Variants in GRIP1 observed in about 807,000 individuals in gnomAD.
GRIP1 encodes glutamate receptor-interacting protein 1.
In GRIP1, 45 loss-of-function variants were observed where a neutral mutation model predicts 129.9. That is an observed-to-expected ratio of 0.35 (90% CI 0.27 to 0.44). The LOEUF (loss-of-function observed/expected upper bound fraction) is 0.44, where lower values mean the gene tolerates loss of function less well. Ranked by LOEUF, GRIP1 falls within the 20% of genes least tolerant of loss-of-function variation. The pLI is 1.00. For synonymous variants in GRIP1, 530 were observed against 520.8 expected (o/e 1.02, Z -0.24); for missense variants, 1,196 against 1,396.8 (o/e 0.86, Z 2.29).
At chr12:66,703,197 T>A (rs2035410828) in intron 1 of GRIP1, among the ~76,000 whole-genome samples, 1 of 152,140 alleles carries the variant, frequency 6.6e-6, no homozygotes, top group Non-Finnish European at 1.5e-5. Flanking sequence ...TGTGATCTAC[T>A]AAGGCTTAAG....
At chr12:66,996,480 GC>G (rs2042468937) in intron 1 of GRIP1, among the ~76,000 whole-genome samples, 1 of 152,054 alleles carries the variant, frequency 6.6e-6, no homozygotes. Flanking sequence ...TTGCCTAAGG[GC>G]CTTGGAGTCT....
chr12:66,521,254 G>T (rs912327123), intron 5 of GRIP1, among the ~76,000 whole-genome samples: 1 of 152,094 alleles, frequency 6.6e-6, no homozygotes, highest in Non-Finnish European at 1.5e-5. Flanking sequence ...GTTGACATGT[G>T]CTTAATAAAC....
At chr12:66,407,906 C>G (rs899810372) in intron 15 of GRIP1, among the ~76,000 whole-genome samples, 3 of 152,194 alleles carry the variant, frequency 2.0e-5, no homozygotes, top group Non-Finnish European at 2.9e-5. Context: ...CCTAGCCCTA[C>G]ACAGCACAGC....
intron 1 of GRIP1, chr12:67,035,479 T>C (rs1829405069): frequency 6.6e-6 from 1 of 152,226 alleles, no homozygotes; most frequent in Non-Finnish European, 1.5e-5. Flanking sequence ...TTAGTTTTAA[T>C]GTTGTAATTA....
At chr12:66,566,889 A>T (rs1565868551) in intron 2 of GRIP1, among the ~76,000 whole-genome samples, 1 of 151,964 alleles carries the variant, frequency 6.6e-6, no homozygotes, top group African/African-American at 2.4e-5. Context: ...GAATTTACCC[A>T]TTTCTTCTAG....
intron 1 of GRIP1, among the ~76,000 whole-genome samples, chr12:66,688,813 G>A (rs1301493601): frequency 6.6e-6 from 1 of 151,342 alleles, no homozygotes; most frequent in Non-Finnish European, 1.5e-5. Flanking sequence ...TCCTTCAAAG[G>A]AGGAAACAAC....
At chr12:66,841,457 C>A (rs916959793) in intron 1 of GRIP1, among the ~76,000 whole-genome samples, 2 of 152,184 alleles carry the variant, frequency 1.3e-5, no homozygotes, top group Non-Finnish European at 2.9e-5. Flanking sequence ...ATATCACCAT[C>A]TAATAAGCAA....
At chr12:66,931,795 A>G (rs368714794) in intron 1 of GRIP1, among the ~76,000 whole-genome samples, 18 of 152,324 alleles carry the variant, frequency 1.2e-4, no homozygotes, top group African/African-American at 4.1e-4. Flanking sequence ...AACACTATCC[A>G]AAAATGTCTT....
chr12:66,537,052 AG>A (rs2061625986), intron 4 of GRIP1, among the ~76,000 whole-genome samples: 1 of 152,118 alleles, frequency 6.6e-6, no homozygotes, highest in South Asian at 2.1e-4. Context: ...GCCTGGATTC[AG>A]ATATTGAATC....
chr12:66,898,699 G>A (rs138605012), intron 1 of GRIP1, among the ~76,000 whole-genome samples: 12 of 152,212 alleles, frequency 7.9e-5, no homozygotes, highest in African/African-American at 2.6e-4. Flanking sequence ...TAGGATATTC[G>A]TTAGCAATTT....
At position 66,798,802 on chromosome 12, in the gene GRIP1, A is replaced by G. The variant is rs148361208; in HGVS notation, c.-420+5251T>C. Reference sequence around the variant, plus strand: ...ACTTTAATTAACATCATCTGTAAATATAATATCATATTAATTTGACTTGCA... The same window carrying G: ...ACTTTAATTAACATCATCTGTAAATGTAATATCATATTAATTTGACTTGCA... On this transcript the variant is annotated intron_variant, in intron 1 of 4. Coordinates refer to the GRIP1 transcript ENST00000538373. Among the ~76,000 whole-genome samples, 493 of 152,306 alleles carry G rather than the reference A, an allele frequency of 3.2e-3. 4 individuals carry two copies. Among genetic ancestry groups the G allele is most frequent in the African/African-American group, 0.011 (467 of 41,570 alleles).
chr12:66,538,356 T>C (rs1367964159), intron 4 of GRIP1, among the ~76,000 whole-genome samples: 1 of 151,960 alleles, frequency 6.6e-6, no homozygotes, highest in Admixed American at 6.6e-5. Flanking sequence ...TATGCCACCA[T>C]GCCCGACTAA....
chr12:66,406,478 G>GT (rs1565707190), intron 15 of GRIP1, 50 bp from the exon 16 acceptor site: 1 of 1,572,586 alleles, frequency 6.4e-7, no homozygotes, highest in Non-Finnish European at 8.8e-7. Flanking sequence ...CACTTAACTA[G>GT]GCCATTTAAA....
chr12:66,999,626 G>C (rs968340434), intron 1 of GRIP1, among the ~76,000 whole-genome samples: 1 of 152,088 alleles, frequency 6.6e-6, no homozygotes, highest in Non-Finnish European at 1.5e-5. Context: ...TAATGGCAAA[G>C]GGTATTAACC....
chr12:66,636,715 CTGTGTGTGTGTGTGTG>C (rs113361426), intron 1 of GRIP1, among the ~76,000 whole-genome samples: 26 of 145,212 alleles, frequency 1.8e-4, no homozygotes, highest in Non-Finnish European at 1.8e-4. Flanking sequence ...CATTAGATCT[CTGTGTGTGTGTGTGTG>C]TGTGTGTGTG....
chr12:66,457,158 A>T (rs1289805557), intron 9 of GRIP1, among the ~76,000 whole-genome samples: 1 of 152,152 alleles, frequency 6.6e-6, no homozygotes, highest in African/African-American at 2.4e-5. Flanking sequence ...CAATATTAAG[A>T]TTTGATATTC....
intron 18 of GRIP1, 67 bp from the exon 19 acceptor site, chr12:66,392,569 G>A (rs1009619278): frequency 1.5e-4 from 228 of 1,566,188 alleles, no homozygotes; most frequent in Non-Finnish European, 1.8e-4. Context: ...AAGATACTCC[G>A]TGGCTAGAGA....
In GRIP1 at chr12:66,507,545, A is replaced by C. The variant is rs190796450; in HGVS notation, c.724+8074T>G. Among the ~76,000 whole-genome samples the C allele has an allele frequency of 2.5e-4, 38 of 152,250 alleles. No individual in the cohort carries two copies. In the East Asian group the frequency reaches 6.0e-3, roughly 24 times the overall value. On this transcript the variant is annotated intron_variant, in intron 7 of 24. Transcript: ENST00000359742. ...GATATCCCCCCAAAATAAAATACAA[A>C]CTATAGCCAAGATGCAGTTGTGATA... is the stretch of plus-strand genomic sequence containing the variant.
rs573372672 is a variant in GRIP1 at position 67,041,557 on chromosome 12, T to G, written c.58+27493A>C. On this transcript the variant is annotated intron_variant, in intron 1 of 1. Coordinates refer to the GRIP1 transcript ENST00000643019. ...AAGGAGACAGAAAGGAAGACATAATTTCCTCAAATTTCTTCAATCAAAAAA... is the reference window on the plus strand; with the variant it reads ...AAGGAGACAGAAAGGAAGACATAATGTCCTCAAATTTCTTCAATCAAAAAA... Among the ~76,000 whole-genome samples, 299 of 152,240 alleles carry G rather than the reference T, an allele frequency of 2.0e-3. 1 individual carries two copies. The highest frequency in any genetic ancestry group is 3.5e-3 in the Non-Finnish European group (235 of 68,012).
Sources: allele counts gnomAD v4.1 joint callset (sites outside exome capture counted in the v4.1 genomes callset), GRCh38; gene constraint gnomAD v4.1.1; transcripts MANE v1.5; gene names NCBI Gene and HGNC (gene_info 2026-07-23, HGNC 2026-07-21).